The following IQGAP1 variants were observed in gnomAD, a reference collection of about 807,000 sequenced individuals.
IQGAP1 encodes ras GTPase-activating-like protein IQGAP1.
A neutral mutation model predicts 215.6 loss-of-function variants in IQGAP1; 66 were observed. That is an observed-to-expected ratio of 0.31 (90% CI 0.25 to 0.38). The LOEUF is 0.38. Ranked by LOEUF, IQGAP1 falls within the 10% of genes least tolerant of loss-of-function variation. IQGAP1 has a pLI of 1.00. For synonymous variants in IQGAP1, 772 were observed against 728.7 expected (o/e 1.06, Z -0.96); for missense variants, 1,712 against 1,997.1 (o/e 0.86, Z 2.72).
At chr15:90,397,346 T>C (rs1400212837) in intron 2 of IQGAP1, among the ~76,000 whole-genome samples, 4 of 152,136 alleles carry the variant, frequency 2.6e-5, no homozygotes, top group Non-Finnish European at 4.4e-5. Flanking sequence ...AATCAGACTT[T>C]CTGTTTTGGC....
chr15:90,435,608 T>A (rs1324178069), intron 5 of IQGAP1, among the ~76,000 whole-genome samples: 1 of 152,208 alleles, frequency 6.6e-6, no homozygotes, highest in African/African-American at 2.4e-5. Flanking sequence ...TTACCTGCAA[T>A]GGATATCTGA....
chr15:90,399,595 T>A (rs1964777149), intron 2 of IQGAP1, among the ~76,000 whole-genome samples: 1 of 152,210 alleles, frequency 6.6e-6, no homozygotes. Context: ...TGTAATTTCT[T>A]CTATCAACTC....
chr15:90,391,061 C>A (rs1964628744), intron 2 of IQGAP1, 188 bp downstream of exon 2: 2 of 493,186 alleles, frequency 4.1e-6, no homozygotes, highest in Non-Finnish European at 7.5e-6. Flanking sequence ...CATAGTGACA[C>A]CCCATCTCTA....
At chr15:90,400,825 G>A (rs2063914125) in intron 2 of IQGAP1, among the ~76,000 whole-genome samples, 1 of 152,194 alleles carries the variant, frequency 6.6e-6, no homozygotes, top group Non-Finnish European at 1.5e-5. Context: ...TTAGTGTGGT[G>A]ACCTGCCTCT....
At chr15:90,415,667 C>T (rs990554170) in intron 2 of IQGAP1, among the ~76,000 whole-genome samples, 16 of 152,200 alleles carry the variant, frequency 1.1e-4, no homozygotes, top group African/African-American at 3.9e-4. Flanking sequence ...CCCTTCTAAT[C>T]CCCGTGCCTC....
intron 2 of IQGAP1, among the ~76,000 whole-genome samples, chr15:90,415,078 C>T (rs1467705840): frequency 6.6e-5 from 10 of 152,274 alleles, no homozygotes; most frequent in South Asian, 4.1e-4. Flanking sequence ...TGGGGCTTCT[C>T]GACACACTGG....
chr15:90,436,277 G>A (rs1965369682), intron 5 of IQGAP1, among the ~76,000 whole-genome samples: 1 of 152,140 alleles, frequency 6.6e-6, no homozygotes, highest in Non-Finnish European at 1.5e-5. Flanking sequence ...AGAAAGTAAT[G>A]GATTGGATTG....
chr15:90,467,420 G>A, intron 17 of IQGAP1, 30 bp from the exon 18 acceptor site: 1 of 1,597,484 alleles, frequency 6.3e-7, no homozygotes, highest in Non-Finnish European at 8.5e-7. Context: ...GGCTCTGGAT[G>A]TCTTCTATCT....
intron 15 of IQGAP1, among the ~76,000 whole-genome samples, chr15:90,460,999 TAAAAAAAAA>T (rs36022965): frequency 1.1e-5 from 1 of 88,754 alleles, no homozygotes; most frequent in Non-Finnish European, 2.1e-5. Context: ...ACCCTGTCTT[TAAAAAAAAA>T]AAAAAAAAAA....
Position 90,441,528 on chromosome 15 carries a change from T to C in IQGAP1, c.672T>C (p.Ile224=). 1 of 1,613,640 alleles carries C rather than the reference T, an allele frequency of 6.2e-7. No homozygotes were observed. Among genetic ancestry groups the C allele is most frequent in the African/African-American group, 1.3e-5 (1 of 74,962 alleles). Residue 224 remains isoleucine, a synonymous_variant, in exon 8 of 38, where the codon ATT becomes ATC. Coordinates refer to ENST00000268182, the MANE Select transcript of IQGAP1 (RefSeq NM_003870.4). ...TAGTACATGCTGCTGTTATTGCTATTAATGAAGCTATTGACCGTAGAATTC... is the reference window on the plus strand; with the variant it reads ...TAGTACATGCTGCTGTTATTGCTATCAATGAAGCTATTGACCGTAGAATTC... ...EAALHAAVIA[I]NEAIDRRIPA...
At chr15:90,439,234 A>T (rs1965414525) in intron 5 of IQGAP1, 98 bp from the exon 6 acceptor site, 3 of 788,912 alleles carry the variant, frequency 3.8e-6, no homozygotes, top group Non-Finnish European at 6.4e-6. Flanking sequence ...CAGTGTTCAG[A>T]ATACTTCTAT....
chr15:90,486,813 T>TA, intron 31 of IQGAP1, 141 bp from the exon 32 acceptor site: 1 of 778,888 alleles, frequency 1.3e-6, no homozygotes, highest in South Asian at 1.8e-5. Context: ...TATTTCTCAG[T>TA]AAAAGTTGTT....
At position 90,400,877 on chromosome 15, in the gene IQGAP1, G is replaced by T. The variant is rs139283944; in HGVS notation, c.155+10004G>T. 1.1e-4 allele frequency among the ~76,000 whole-genome samples: 17 copies of T among 152,272 alleles called. No individual in the cohort carries two copies. The East Asian group carries it at 2.3e-3, about 21-fold the overall frequency. On this transcript the variant is annotated intron_variant, in intron 2 of 37. Transcript: ENST00000268182. ...CTTCTGCTTCACAGTGTCACATCTG[G>T]GGATACCAGTTGGTAGTGGAACCTG...
intron 10 of IQGAP1, among the ~76,000 whole-genome samples, chr15:90,449,219 A>T (rs1288520945): frequency 6.6e-6 from 1 of 152,092 alleles, no homozygotes; most frequent in Non-Finnish European, 1.5e-5. Context: ...TGTCTAAATA[A>T]GGGCAAGTAT....
intron 9 of IQGAP1, among the ~76,000 whole-genome samples, chr15:90,446,094 T>C (rs1188234568): frequency 6.6e-6 from 1 of 152,232 alleles, no homozygotes; most frequent in African/African-American, 2.4e-5. Context: ...TCAGCAAATA[T>C]AAACTGGAGT....
At chr15:90,460,779 GTTTGAGCCCAGGAA>G (rs1965750084) in intron 15 of IQGAP1, among the ~76,000 whole-genome samples, 1 of 151,958 alleles carries the variant, frequency 6.6e-6, no homozygotes, top group Non-Finnish European at 1.5e-5. Flanking sequence ...CGGGTGGATA[GTTTGAGCCCAGGAA>G]TTTGAGACCA....
At chr15:90,422,636 ATATGTATATGTATATATATATATG>A (rs1462575652) in intron 2 of IQGAP1, among the ~76,000 whole-genome samples, 2,946 of 71,986 alleles carry the variant, frequency 0.041, 149 homozygotes, top group East Asian at 0.15. Flanking sequence ...GTATATATAT[ATATGTATATGTATATATATATATG>A]TATATATATA....
intron 13 of IQGAP1, among the ~76,000 whole-genome samples, chr15:90,454,164 CT>C (rs561994125): frequency 2.5e-4 from 38 of 152,230 alleles, no homozygotes; most frequent in Non-Finnish European, 4.9e-4. Context: ...CATGTGTAGC[CT>C]TTTTTTCTTG....
At chr15:90,433,249 T>A (rs1056784442) in intron 4 of IQGAP1, among the ~76,000 whole-genome samples, 1 of 152,214 alleles carries the variant, frequency 6.6e-6, no homozygotes, top group Non-Finnish European at 1.5e-5. Flanking sequence ...AATGTCTAAA[T>A]GTAGCAGGTT....
Sources: allele counts gnomAD v4.1 joint callset (sites outside exome capture counted in the v4.1 genomes callset), GRCh38; gene constraint gnomAD v4.1.1; transcripts MANE v1.5; gene names NCBI Gene and HGNC (gene_info 2026-07-23, HGNC 2026-07-21).